Variants in WNT16 observed in about 807,000 individuals in gnomAD.
The protein encoded by WNT16 is protein Wnt-16.
A neutral mutation model predicts 35.4 loss-of-function variants in WNT16; 20 were observed. The ratio of observed to expected loss-of-function variants is 0.56; its 90% CI spans 0.40 to 0.82. The LOEUF is 0.82. WNT16 is among the 40% of genes least tolerant of loss of function. The pLI is 0.00. For missense variants in WNT16, 461 were observed against 466.0 expected, an observed-to-expected ratio of 0.99 and a Z score of 0.10; for synonymous variants, 180 against 179.2, an observed-to-expected ratio of 1.00 and a Z score of -0.03.
intron 2 of WNT16, among the ~76,000 whole-genome samples, chr7:121,331,053 A>T (rs1337237133): frequency 6.6e-6 from 1 of 152,186 alleles, no homozygotes; most frequent in African/African-American, 2.4e-5. Flanking sequence ...TGCCTTTAAG[A>T]CTGTAAGAGG....
In WNT16 at chr7:121,337,617, T is replaced by C. The variant is rs574623646; in HGVS notation, c.634-1264T>C. On this transcript the variant is annotated intron_variant, in intron 3 of 3. Coordinates refer to ENST00000222462, the MANE Select transcript of WNT16 (RefSeq NM_057168.2). ...AGCTAGCCCTGACGATTTATTAATC[T>C]GTTCTGCCATCGTCTGGGGATTGAA... Among the ~76,000 whole-genome samples, 6 of 152,320 alleles carry C rather than the reference T, an allele frequency of 3.9e-5. No individual in the cohort carries two copies. In the South Asian group the frequency reaches 8.3e-4, roughly 21 times the overall value.
chr7:121,336,103 T>TC (rs1793442533), intron 3 of WNT16, among the ~76,000 whole-genome samples: 1 of 151,688 alleles, frequency 6.6e-6, no homozygotes, highest in South Asian at 2.1e-4. Context: ...TTCCAGATTG[T>TC]CCAAGTTCTT....
In WNT16 at chr7:121,339,389, T is replaced by C; in HGVS notation, c.*44T>C. On this transcript the variant is annotated 3_prime_UTR_variant, in exon 4 of 4. Coordinates refer to ENST00000222462, the MANE Select transcript of WNT16 (RefSeq NM_057168.2). ...GGCAAGATGCCTCAGCAATATACAA[T>C]GGCATTGCAACCAGAGAGGTGCCCA... is the stretch of plus-strand genomic sequence containing the variant. The C allele has an allele frequency of 6.4e-7, 1 of 1,555,588 alleles. No homozygotes were observed. The highest frequency in any genetic ancestry group is 8.7e-7 in the Non-Finnish European group (1 of 1,146,472).
upstream of WNT16, among the ~76,000 whole-genome samples, chr7:121,327,373 C>T (rs116116573): frequency 0.024 from 2,615 of 110,130 alleles, 79 homozygotes; most frequent in African/African-American, 0.078. Flanking sequence ...TTTTTTGAGT[C>T]GGAGTCTCAC....
intron 3 of WNT16, among the ~76,000 whole-genome samples, chr7:121,335,130 A>G (rs1364456346): frequency 6.6e-6 from 1 of 152,080 alleles, no homozygotes; most frequent in Non-Finnish European, 1.5e-5. Context: ...AAAAACTTAG[A>G]TCATCTGATA....
rs1404458261 is a variant in WNT16, at chr7:121,340,838, T to C, written c.*1493T>C. On this transcript the variant is annotated 3_prime_UTR_variant, in exon 4 of 4. Transcript: ENST00000222462. ...ACAGGGCTCTATTTAAGGATGTATT[T>C]TAATGTAAATGCTTATGTTTTTTAT... is the stretch of plus-strand genomic sequence containing the variant. The C allele has an allele frequency of 6.6e-6, 1 of 152,224 alleles. No individual in the cohort carries two copies. The highest frequency in any genetic ancestry group is 1.5e-5 in the Non-Finnish European group (1 of 67,986). The allele number at this position is 152,224 out of a possible 1,614,324, so 9.4% of individuals were successfully genotyped here. A position where few individuals can be genotyped will look rare whatever the true frequency, so the allele number is the denominator to read the frequency against.
Position 121,339,471 on chromosome 7 carries a change from C to CCTCT in WNT16, c.*128_*129insCTCT, listed in dbSNP as rs3832519. 145,635 of 804,152 alleles carry CCTCT rather than the reference C, an allele frequency of 0.18. 16,767 individuals carry two copies. The highest frequency in any genetic ancestry group is 0.45 in the African/African-American group (25,780 of 57,100). 49.8% of individuals were successfully genotyped at this position (804,152 alleles called of 1,614,324 possible). On this transcript the variant is annotated 3_prime_UTR_variant, in exon 4 of 4. Transcript: ENST00000222462. ...GCAGTGGAATCCCTAGAACCTTGGA[C>CCTCT]CTGAGAGTTTCCCTTACCTGATCGA...
intron 3 of WNT16, among the ~76,000 whole-genome samples, chr7:121,334,682 A>ACT (rs1793410654): frequency 6.6e-6 from 1 of 151,950 alleles, no homozygotes; most frequent in Non-Finnish European, 1.5e-5. Context: ...AACCTTAAAT[A>ACT]CTCTGATTCC....
chr7:121,338,317 T>A (rs1028787480), intron 3 of WNT16, among the ~76,000 whole-genome samples: 1 of 152,226 alleles, frequency 6.6e-6, no homozygotes, highest in Admixed American at 6.5e-5. Context: ...AGTTCCATGA[T>A]GTTTCTATGC....
In WNT16 at chr7:121,339,277, T is replaced by A. The variant is rs1793494755; in HGVS notation, c.1030T>A (p.Phe344Ile). 1.2e-6 allele frequency: 2 copies of A among 1,614,038 alleles called. No homozygotes were observed. Among genetic ancestry groups the A allele is most frequent in the East Asian group, 4.5e-5 (2 of 44,886 alleles). Residue 344 changes from phenylalanine (F) to isoleucine (I), a missense_variant, in exon 4 of 4, where the codon TTC becomes ATC. Transcript: ENST00000222462. ...GCACGTGGAGAGGTGTGAGTGTAAG[T>A]TCATCTGGTGCTGCTATGTCCGTTG... ...VRHVERCECK[F>I]IWCCYVRCRR...
At chr7:121,329,485 C>G in intron 1 of WNT16, 82 bp from the exon 2 acceptor site, 1 of 1,596,066 alleles carries the variant, frequency 6.3e-7, no homozygotes, top group Non-Finnish European at 8.6e-7. Flanking sequence ...AGGGCGGGGA[C>G]CCTTAGACGA....
chr7:121,329,454 TTCAAC>T (rs1338868356), intron 1 of WNT16, 67 bp downstream of exon 1: 9 of 1,589,908 alleles, frequency 5.7e-6, no homozygotes, highest in Non-Finnish European at 7.7e-6. Flanking sequence ...CTAGGGAACT[TTCAAC>T]TGAGGCTGGG....
At position 121,339,356 on chromosome 7, in the gene WNT16, C is replaced by G. The variant is rs553849899; in HGVS notation, c.*11C>G. On this transcript the variant is annotated 3_prime_UTR_variant, in exon 4 of 4. Transcript: ENST00000222462. ...CACACTTGCAAGTAACCACTCCATC[C>G]AGCCTTGGGCAAGATGCCTCAGCAA... 6.2e-7 allele frequency: 1 copy of G among 1,604,232 alleles called. No individual in the cohort carries two copies. Among genetic ancestry groups the G allele is most frequent in the Admixed American group, 1.7e-5 (1 of 59,836 alleles).
intron 2 of WNT16, 67 bp from the exon 3 acceptor site, chr7:121,331,611 A>G (rs1793347066): frequency 4.1e-6 from 6 of 1,461,434 alleles, no homozygotes; most frequent in Non-Finnish European, 5.6e-6. Flanking sequence ...CATGAGTAGG[A>G]GGCTTTCTTC....
At chr7:121,333,585 T>A (rs1793388178) in intron 3 of WNT16, among the ~76,000 whole-genome samples, 1 of 152,022 alleles carries the variant, frequency 6.6e-6, no homozygotes, top group East Asian at 1.9e-4. Flanking sequence ...TTGCTTCAAT[T>A]TAAATATTAT....
intron 2 of WNT16, among the ~76,000 whole-genome samples, chr7:121,331,167 CTTAATT>C (rs1221676296): frequency 1.3e-5 from 2 of 152,072 alleles, no homozygotes; most frequent in Non-Finnish European, 2.9e-5. Flanking sequence ...TTGGTCTTTC[CTTAATT>C]TTAATTTTCA....
chr7:121,329,869 C>T, intron 2 of WNT16, 52 bp downstream of exon 2: 3 of 1,580,328 alleles, frequency 1.9e-6, no homozygotes, highest in Non-Finnish European at 2.6e-6. Flanking sequence ...GACAACTCCT[C>T]CACCGGTTCC....
At position 121,329,655 on chromosome 7, in the gene WNT16, A is replaced by G. The variant is rs1210884886; in HGVS notation, c.184A>G (p.Arg62Gly). ...LNSRQKELCK[R>G]KPYLLPSIRE... ...CAGCCGCCAGAAGGAGCTGTGCAAGAGGAAACCGTACCTGCTGCCGAGCAT... is the reference window on the plus strand; with the variant it reads ...CAGCCGCCAGAAGGAGCTGTGCAAGGGGAAACCGTACCTGCTGCCGAGCAT... The change falls in exon 2 of 4, where the codon AGG becomes GGG. Residue 62 changes from arginine to glycine, a missense_variant. Physicochemically the swap from Arg to Gly is moderately radical, Grantham distance 125 (BLOSUM62 -2). Transcript: ENST00000222462. 2.5e-6 allele frequency: 4 copies of G among 1,614,182 alleles called. No homozygotes were observed. Among genetic ancestry groups the G allele is most frequent in the Non-Finnish European group, 3.4e-6 (4 of 1,180,006 alleles).
Position 121,339,428 on chromosome 7 carries a change from C to T in WNT16, c.*83C>T. ...GAGAGGTGCCCATCCCTGTGCAGCG[C>T]TAGTAAAGTTGACTCTTGCAGTGGA... On this transcript the variant is annotated 3_prime_UTR_variant, in exon 4 of 4. Coordinates refer to ENST00000222462, the MANE Select transcript of WNT16 (RefSeq NM_057168.2). 4 of 1,303,342 alleles carry T rather than the reference C, an allele frequency of 3.1e-6. No individual in the cohort carries two copies. In the South Asian group the frequency reaches 5.5e-5, roughly 18 times the overall value. The allele number at this position is 1,303,342 out of a possible 1,614,324, so 80.7% of individuals were successfully genotyped here.
Sources: allele counts gnomAD v4.1 joint callset (sites outside exome capture counted in the v4.1 genomes callset), GRCh38; gene constraint gnomAD v4.1.1; transcripts MANE v1.5; gene names NCBI Gene and HGNC (gene_info 2026-07-23, HGNC 2026-07-21).